OSBPL8: variants seen among roughly 807,000 people sequenced by gnomAD.
OSBPL8 encodes oxysterol-binding protein-related protein 8.
OSBPL8 carries 59 observed loss-of-function variants against 125.5 expected under a neutral mutation model. That is an observed-to-expected ratio of 0.47 (90% confidence interval 0.38 to 0.58). The LOEUF (loss-of-function observed/expected upper bound fraction) is 0.58, where lower values mean the gene tolerates loss of function less well. Ranked by LOEUF, OSBPL8 falls within the 20% of genes least tolerant of loss-of-function variation. The pLI is 0.00. For missense variants in OSBPL8, 758 were observed against 1,047.8 expected (o/e 0.72, Z 3.82); for synonymous variants, 330 against 338.9 (o/e 0.97, Z 0.29).
At chr12:76,381,932 A>C (rs1308524395) in intron 15 of OSBPL8, among the ~76,000 whole-genome samples, 1 of 151,976 alleles carries the variant, frequency 6.6e-6, no homozygotes, top group East Asian at 1.9e-4. Flanking sequence ...ACAGGGTTTC[A>C]CCATTTTGGC....
Position 76,521,788 on chromosome 12 carries a change from CA to C in OSBPL8, c.-67-34171del, listed in dbSNP as rs552261102. ...AAGTGGAATGATGATCGCCAGGGGA[CA>C]GGGGGAGGAGAGAATGGAGAGTTAT... On this transcript the variant is annotated intron_variant, in intron 1 of 23. Coordinates refer to ENST00000261183, the MANE Select transcript of OSBPL8 (RefSeq NM_020841.5). Among the ~76,000 whole-genome samples, 302 of 152,080 alleles carry C rather than the reference CA, an allele frequency of 2.0e-3. 1 individual carries two copies. Among genetic ancestry groups the C allele is most frequent in the Middle Eastern group, 0.01 (3 of 294 alleles).
intron 4 of OSBPL8, among the ~76,000 whole-genome samples, chr12:76,442,149 C>T (rs941947965): frequency 2.6e-5 from 4 of 151,984 alleles, no homozygotes; most frequent in African/African-American, 9.7e-5. Context: ...GTTAAAGAAA[C>T]AATTAATAAG....
At chr12:76,380,691 T>C (rs1953009726) in intron 15 of OSBPL8, among the ~76,000 whole-genome samples, 1 of 152,184 alleles carries the variant, frequency 6.6e-6, no homozygotes, top group Non-Finnish European at 1.5e-5. Flanking sequence ...TGTAATCTGG[T>C]ATATAAATAG....
chr12:76,434,405 A>C (rs1871206529), intron 4 of OSBPL8, among the ~76,000 whole-genome samples: 1 of 152,180 alleles, frequency 6.6e-6, no homozygotes, highest in Non-Finnish European at 1.5e-5. Context: ...AAACTACCAG[A>C]AGGAAAAGGG....
At chr12:76,381,531 T>C (rs554224636) in intron 15 of OSBPL8, among the ~76,000 whole-genome samples, 1 of 152,298 alleles carries the variant, frequency 6.6e-6, no homozygotes, top group African/African-American at 2.4e-5. Context: ...TTCATTGAAG[T>C]TCTGTGATTA....
intron 22 of OSBPL8, among the ~76,000 whole-genome samples, chr12:76,357,205 T>C (rs1952020013): frequency 6.6e-6 from 1 of 152,180 alleles, no homozygotes; most frequent in Non-Finnish European, 1.5e-5. Flanking sequence ...ACATATGCAT[T>C]CCTTCCTTTC....
At chr12:76,522,813 A>G (rs1382824174) in intron 1 of OSBPL8, among the ~76,000 whole-genome samples, 1 of 152,222 alleles carries the variant, frequency 6.6e-6, no homozygotes, top group African/African-American at 2.4e-5. Context: ...CAAGGTCCTA[A>G]GCCAATAGTG....
chr12:76,499,990 T>A (rs1879734746), intron 1 of OSBPL8, among the ~76,000 whole-genome samples: 1 of 152,190 alleles, frequency 6.6e-6, no homozygotes, highest in Non-Finnish European at 1.5e-5. Flanking sequence ...CTGGAAGATT[T>A]CTTAAGAGTG....
intron 8 of OSBPL8, among the ~76,000 whole-genome samples, chr12:76,396,931 C>G (rs1241720221): frequency 6.6e-6 from 1 of 152,042 alleles, no homozygotes; most frequent in African/African-American, 2.4e-5. Flanking sequence ...CCTCCCACCG[C>G]AGACTCCTGA....
At chr12:76,415,788 C>T (rs528997365) in intron 4 of OSBPL8, among the ~76,000 whole-genome samples, 1 of 152,158 alleles carries the variant, frequency 6.6e-6, no homozygotes, top group African/African-American at 2.4e-5. Flanking sequence ...TAAAAAAACA[C>T]CTTTTGTCTA....
chr12:76,536,816 C>CAAAAA (rs36035843), intron 1 of OSBPL8, among the ~76,000 whole-genome samples: 1 of 91,096 alleles, frequency 1.1e-5, no homozygotes, highest in African/African-American at 3.8e-5. Context: ...ATAGGAGTAT[C>CAAAAA]AAAAAAAAAA....
In OSBPL8 at chr12:76,483,054, G is replaced by A. The variant is rs189693295; in HGVS notation, c.42+4456C>T. Among the ~76,000 whole-genome samples the A allele has an allele frequency of 7.9e-5, 12 of 152,282 alleles. No homozygotes were observed. In the East Asian group the frequency reaches 2.3e-3, roughly 29 times the overall value. ...AGGCAGGCGGATCATGAGGTCAGCA[G>A]TTCAAGACCAGCCTGGCCAATATGG... is the stretch of plus-strand genomic sequence containing the variant. On this transcript the variant is annotated intron_variant, in intron 2 of 23. Coordinates refer to ENST00000261183, the MANE Select transcript of OSBPL8 (RefSeq NM_020841.5).
intron 1 of OSBPL8, among the ~76,000 whole-genome samples, chr12:76,524,095 G>A (rs1950097354): frequency 6.6e-6 from 1 of 151,986 alleles, no homozygotes; most frequent in East Asian, 1.9e-4. Context: ...ATGAAGGAAA[G>A]AGAAAAAATG....
intron 21 of OSBPL8, among the ~76,000 whole-genome samples, chr12:76,363,069 A>T (rs1952269546): frequency 6.6e-6 from 1 of 152,254 alleles, no homozygotes; most frequent in African/African-American, 2.4e-5. Context: ...ATCCTCATGG[A>T]TAGGAAGAAT....
chr12:76,389,876 CAG>C (rs1953486318), intron 11 of OSBPL8, 47 bp from the exon 12 acceptor site: 2 of 1,375,928 alleles, frequency 1.5e-6, no homozygotes, highest in African/African-American at 2.9e-5. Flanking sequence ...TTATTTCAGA[CAG>C]ATATGTAAAC....
At chr12:76,413,182 G>C (rs1868303782) in intron 4 of OSBPL8, among the ~76,000 whole-genome samples, 1 of 152,120 alleles carries the variant, frequency 6.6e-6, no homozygotes, top group Non-Finnish European at 1.5e-5. Flanking sequence ...GTATAACAGA[G>C]AATACTTACT....
intron 4 of OSBPL8, among the ~76,000 whole-genome samples, chr12:76,414,900 A>G (rs997746596): frequency 2.6e-5 from 4 of 152,212 alleles, no homozygotes; most frequent in Admixed American, 2.6e-4. Context: ...CTGTTAGTGT[A>G]GTGAACCACA....
intron 1 of OSBPL8, among the ~76,000 whole-genome samples, chr12:76,535,436 T>C (rs74105508): frequency 0.013 from 2,012 of 152,250 alleles, 32 homozygotes; most frequent in African/African-American, 0.041. Context: ...GAATGTTAAT[T>C]AAATTTTTTT....
chr12:76,370,845 A>AATATCTCT (rs1952593312), intron 19 of OSBPL8, among the ~76,000 whole-genome samples: 2 of 152,210 alleles, frequency 1.3e-5, no homozygotes, highest in African/African-American at 4.8e-5. Context: ...TGCCTAGCAA[A>AATATCTCT]ATATCTCTTA....
Sources: allele counts gnomAD v4.1 joint callset (sites outside exome capture counted in the v4.1 genomes callset), GRCh38; gene constraint gnomAD v4.1.1; transcripts MANE v1.5; gene names NCBI Gene and HGNC (gene_info 2026-07-23, HGNC 2026-07-21).